DCAF10: variants seen among roughly 807,000 people sequenced by gnomAD.
DCAF10 encodes the protein DDB1- and CUL4-associated factor 10.
In DCAF10, 19 loss-of-function variants were observed where a neutral mutation model predicts 51.9. The ratio of observed to expected loss-of-function variants is 0.37; its 90% CI spans 0.26 to 0.54. The LOEUF (loss-of-function observed/expected upper bound fraction) is 0.54, where lower values mean the gene tolerates loss of function less well. DCAF10 is among the 20% of genes least tolerant of loss of function. The pLI is 0.87. For synonymous variants in DCAF10, 291 were observed against 297.1 expected (o/e 0.98, Z 0.21); for missense variants, 510 against 730.6 (o/e 0.70, Z 3.48).
chr9:37,843,891 G>A (rs1830403951), intron 3 of DCAF10, among the ~76,000 whole-genome samples: 1 of 152,108 alleles, frequency 6.6e-6, no homozygotes, highest in African/African-American at 2.4e-5. Context: ...AAACAGAACT[G>A]TATTTTCTTT....
At chr9:37,818,283 C>T (rs1027607972) in intron 1 of DCAF10, among the ~76,000 whole-genome samples, 5 of 152,156 alleles carry the variant, frequency 3.3e-5, no homozygotes, top group East Asian at 1.9e-4. Context: ...CGTGGGCCAC[C>T]GCACCCGGCC....
intron 5 of DCAF10, 150 bp from the exon 6 acceptor site, chr9:37,859,898 G>T: frequency 1.1e-6 from 1 of 874,972 alleles, no homozygotes; most frequent in East Asian, 2.6e-5. Context: ...CATACATTGG[G>T]GAGTACCACG....
chr9:37,840,946 T>C lies in DCAF10; in HGVS notation c.654-1143T>C, dbSNP rs543969441. On this transcript the variant is annotated intron_variant, in intron 2 of 6. Transcript: ENST00000377724. ...GCCTACAGTATTTAGTATGGTAACATGCTGTGCACATTTGTAGCCTATGAG... is the reference window on the plus strand; with the variant it reads ...GCCTACAGTATTTAGTATGGTAACACGCTGTGCACATTTGTAGCCTATGAG... Among the ~76,000 whole-genome samples the C allele has an allele frequency of 2.6e-5, 4 of 152,352 alleles. No homozygotes were observed. The East Asian group carries it at 7.7e-4, about 29-fold the overall frequency.
chr9:37,808,597 A>T (rs1248275521), intron 1 of DCAF10, among the ~76,000 whole-genome samples: 2 of 103,838 alleles, frequency 1.9e-5, no homozygotes, highest in Non-Finnish European at 3.5e-5. Flanking sequence ...ATATTTATAT[A>T]ATATAATATA....
rs1831106212 is a variant in DCAF10, at chr9:37,864,903, T to G, written c.*3395T>G. On this transcript the variant is annotated 3_prime_UTR_variant, in exon 7 of 7. Coordinates refer to ENST00000377724, the MANE Select transcript of DCAF10 (RefSeq NM_024345.5). Reference sequence around the variant, plus strand: ...AATTTAATTTGGAGGTAATAGTGGGTCAGAAAGATTAAATGACTTGCCTTA... The same window carrying G: ...AATTTAATTTGGAGGTAATAGTGGGGCAGAAAGATTAAATGACTTGCCTTA... 1.3e-5 allele frequency: 2 copies of G among 152,036 alleles called. No individual in the cohort carries two copies. The highest frequency in any genetic ancestry group is 4.8e-5 in the African/African-American group (2 of 41,380). 9.4% of individuals were successfully genotyped at this position (152,036 alleles called of 1,614,324 possible). A position where few individuals can be genotyped will look rare whatever the true frequency, so the allele number is the denominator to read the frequency against.
chr9:37,829,763 T>C lies in DCAF10; in HGVS notation c.653+10362T>C, dbSNP rs927460454. Among the ~76,000 whole-genome samples, 3 of 152,098 alleles carry C rather than the reference T, an allele frequency of 2.0e-5. No homozygotes were observed. Among genetic ancestry groups the C allele is most frequent in the Non-Finnish European group, 2.9e-5 (2 of 68,006 alleles). On this transcript the variant is annotated intron_variant, in intron 2 of 6. Transcript: ENST00000377724. The surrounding 1 kb of genome is among the most constrained non-coding windows in gnomAD (Gnocchi z 4.2). ...GGCTCATACCTGTAATCCCAGCATT[T>C]TGGGAGGCTGAGGTGGGACAATCAC... is the stretch of plus-strand genomic sequence containing the variant.
intron 1 of DCAF10, among the ~76,000 whole-genome samples, chr9:37,815,362 AGTCTG>A (rs1282302843): frequency 1.3e-5 from 2 of 152,248 alleles, no homozygotes; most frequent in Non-Finnish European, 2.9e-5. Flanking sequence ...AAAGAAGAAC[AGTCTG>A]GGCATGGTGG....
chr9:37,829,347 G>A lies in DCAF10; in HGVS notation c.653+9946G>A, dbSNP rs923276844. Among the ~76,000 whole-genome samples, 6 of 152,150 alleles carry A rather than the reference G, an allele frequency of 3.9e-5. No homozygotes were observed. The highest frequency in any genetic ancestry group is 1.4e-4 in the African/African-American group (6 of 41,424). Reference sequence around the variant, plus strand: ...CCCAGCTACTCGGGAGGCTGAGACAGGAGAATCACTTGAACCCGGGAGGCG... The same window carrying A: ...CCCAGCTACTCGGGAGGCTGAGACAAGAGAATCACTTGAACCCGGGAGGCG... On this transcript the variant is annotated intron_variant, in intron 2 of 6. Coordinates refer to ENST00000377724, the MANE Select transcript of DCAF10 (RefSeq NM_024345.5). The surrounding 1 kb of genome is among the most constrained non-coding windows in gnomAD (Gnocchi z 4.2).
In DCAF10 at chr9:37,800,940, A is replaced by T. The variant is rs1406272677; in HGVS notation, c.74A>T (p.His25Leu). The T allele has an allele frequency of 6.7e-7, 1 of 1,498,614 alleles. No individual in the cohort carries two copies. The highest frequency in any genetic ancestry group is 8.8e-7 in the Non-Finnish European group (1 of 1,130,910). The allele number at this position is 1,498,614 out of a possible 1,614,324, so 92.8% of individuals were successfully genotyped here. A position where few individuals can be genotyped will look rare whatever the true frequency, so the allele number is the denominator to read the frequency against. Residue 25 changes from histidine (H) to leucine (L), a missense_variant, in exon 1 of 7, where the codon CAC becomes CTC. Coordinates refer to ENST00000377724, the MANE Select transcript of DCAF10 (RefSeq NM_024345.5). ...AGAGAEEPTP[H>L]EGQAAATGPP... Reference sequence around the variant, plus strand: ...GCCGGGGCTGAGGAGCCGACGCCCCACGAGGGGCAGGCAGCAGCCACCGGG... The same window carrying T: ...GCCGGGGCTGAGGAGCCGACGCCCCTCGAGGGGCAGGCAGCAGCCACCGGG...
At chr9:37,834,774 G>A (rs1405923318) in intron 2 of DCAF10, among the ~76,000 whole-genome samples, 6 of 150,472 alleles carry the variant, frequency 4.0e-5, no homozygotes, top group East Asian at 3.9e-4. Flanking sequence ...TTTTTTGTAC[G>A]TATTTTTCTC....
rs1829951898 is a variant in DCAF10, at chr9:37,829,697, G to C, written c.653+10296G>C. Among the ~76,000 whole-genome samples, 1 of 152,050 alleles carries C rather than the reference G, an allele frequency of 6.6e-6. No individual in the cohort carries two copies. Among genetic ancestry groups the C allele is most frequent in the African/African-American group, 2.4e-5 (1 of 41,410 alleles). Reference sequence around the variant, plus strand: ...TTGAGCAATATATGGTAAAGCTGAAGATTAATTTTTTTTTAATAATTGATG... The same window carrying C: ...TTGAGCAATATATGGTAAAGCTGAACATTAATTTTTTTTTAATAATTGATG... On this transcript the variant is annotated intron_variant, in intron 2 of 6. Transcript: ENST00000377724. The surrounding 1 kb of genome is among the most constrained non-coding windows in gnomAD (Gnocchi z 4.2).
chr9:37,861,705 C>CTGCAAAAGATGATGCTGCAT lies in DCAF10; in HGVS notation c.*197_*198insTGCAAAAGATGATGCTGCAT. 1.5e-6 allele frequency: 1 copy of CTGCAAAAGATGATGCTGCAT among 649,142 alleles called. No individual in the cohort carries two copies. Among genetic ancestry groups the CTGCAAAAGATGATGCTGCAT allele is most frequent in the Non-Finnish European group, 2.5e-6 (1 of 400,518 alleles). 40.2% of individuals were successfully genotyped at this position (649,142 alleles called of 1,614,324 possible). ...AGGCATCTCCAAGTTAGACTCTATG[C>CTGCAAAAGATGATGCTGCAT]AGCATCATCTTTTGCAGCATTCCTC... On this transcript the variant is annotated 3_prime_UTR_variant, in exon 7 of 7. Coordinates refer to ENST00000377724, the MANE Select transcript of DCAF10 (RefSeq NM_024345.5). This position sits in a 1 kb window ranked among gnomAD's most constrained non-coding sequence, Gnocchi z 4.9.
chr9:37,809,249 A>G (rs1829255582), intron 1 of DCAF10, among the ~76,000 whole-genome samples: 2 of 152,146 alleles, frequency 1.3e-5, no homozygotes, highest in African/African-American at 4.8e-5. Flanking sequence ...GATACAAGTA[A>G]AGCTGTACTT....
intron 2 of DCAF10, among the ~76,000 whole-genome samples, chr9:37,825,238 G>A (rs1225839639): frequency 5.3e-5 from 8 of 151,976 alleles, no homozygotes; most frequent in Admixed American, 5.2e-4. Flanking sequence ...CCCATTACAG[G>A]GTATATACCC....
At chr9:37,805,568 T>C (rs1829088698) in intron 1 of DCAF10, among the ~76,000 whole-genome samples, 1 of 152,096 alleles carries the variant, frequency 6.6e-6, no homozygotes. Context: ...CTTTGGGCTT[T>C]AATAGGTATT....
At chr9:37,851,021 A>ATCATTT (rs1332620684) in intron 3 of DCAF10, among the ~76,000 whole-genome samples, 2 of 151,282 alleles carry the variant, frequency 1.3e-5, no homozygotes, top group African/African-American at 2.4e-5. Context: ...AGGCGGGTGG[A>ATCATTT]TCATTTGAGA....
chr9:37,843,952 G>A (rs560342722), intron 3 of DCAF10, among the ~76,000 whole-genome samples: 4 of 152,120 alleles, frequency 2.6e-5, no homozygotes, highest in African/African-American at 9.6e-5. Context: ...AAAGTAAAAG[G>A]ATGAGAAAAA....
intron 2 of DCAF10, among the ~76,000 whole-genome samples, chr9:37,826,729 C>A (rs1829861915): frequency 6.6e-6 from 1 of 151,494 alleles, no homozygotes; most frequent in Non-Finnish European, 1.5e-5. Flanking sequence ...CAGAACCTAG[C>A]AGTTTTTTAG....
intron 2 of DCAF10, among the ~76,000 whole-genome samples, chr9:37,839,258 C>T (rs1830264114): frequency 6.6e-6 from 1 of 151,964 alleles, no homozygotes; most frequent in Non-Finnish European, 1.5e-5. Context: ...GACAGGGTTT[C>T]ACCATCTCGG....
Sources: gnomAD v4.1 joint callset for allele counts (sites outside exome capture counted in the v4.1 genomes callset) on GRCh38, gnomAD v4.1.1 for gene constraint, Gnocchi (gnomAD v3.1) non-coding constraint, MANE v1.5 for transcripts, NCBI Gene and HGNC (gene_info 2026-07-23, HGNC 2026-07-21) for gene names.